Variants in TTC13 observed in about 807,000 individuals in gnomAD.
TTC13 encodes tetratricopeptide repeat domain 13, also known as tetratricopeptide repeat protein 13.
Under a neutral mutation model 120.0 loss-of-function variants are expected in TTC13, and 62 were observed. The observed-to-expected ratio is 0.52, with a 90% CI of 0.42 to 0.64. TTC13 has a LOEUF of 0.64. TTC13 is among the 30% of genes least tolerant of loss of function. The pLI, the probability that TTC13 is intolerant of heterozygous loss-of-function variation, is 0.00. For missense variants in TTC13, 824 were observed against 1,050.2 expected, an observed-to-expected ratio of 0.78 and a Z score of 2.98; for synonymous variants, 384 against 393.5, an observed-to-expected ratio of 0.98 and a Z score of 0.28.
At chr1:230,911,744 G>C (rs1671530548) in intron 19 of TTC13, among the ~76,000 whole-genome samples, 195 bp from the exon 20 acceptor site, 1 of 151,940 alleles carries the variant, frequency 6.6e-6, no homozygotes, top group African/African-American at 2.4e-5. Context: ...GTTCAATTTA[G>C]AGCAATGTTT....
intron 12 of TTC13, 105 bp downstream of exon 12, chr1:230,928,832 T>C (rs1572209316): frequency 8.3e-7 from 1 of 1,202,524 alleles, no homozygotes; most frequent in Non-Finnish European, 1.2e-6. Context: ...CCCAGGCAAT[T>C]CTACCTCACC....
intron 1 of TTC13, among the ~76,000 whole-genome samples, chr1:230,968,612 G>A (rs1263123962): frequency 1.3e-5 from 2 of 152,168 alleles, no homozygotes; most frequent in African/African-American, 4.8e-5. Flanking sequence ...AATGAGCAAA[G>A]TCTGAATGGA....
In TTC13 at chr1:230,978,148, C is replaced by G. The variant is rs1678544859; in HGVS notation, c.271+412G>C. On this transcript the variant is annotated intron_variant, in intron 1 of 22. Transcript: ENST00000366661. This position sits in a 1 kb window ranked among gnomAD's most constrained non-coding sequence, Gnocchi z 5.6. ...AGGCGTCTCCCTCCGGGGGCGGGCT[C>G]CGCAAGCCGCCGGGCTGGTTGCTCG... Among the ~76,000 whole-genome samples, 1 of 152,208 alleles carries G rather than the reference C, an allele frequency of 6.6e-6. No individual in the cohort carries two copies. The highest frequency in any genetic ancestry group is 2.4e-5 in the African/African-American group (1 of 41,470).
chr1:230,958,313 A>T lies in TTC13; in HGVS notation c.367-14T>A. 6.3e-7 allele frequency: 1 copy of T among 1,585,732 alleles called. No homozygotes were observed. The highest frequency in any genetic ancestry group is 2.2e-5 in the East Asian group (1 of 44,786). On this transcript the variant is annotated splice_polypyrimidine_tract_variant and intron_variant, in intron 2 of 22. Coordinates refer to ENST00000366661, the MANE Select transcript of TTC13 (RefSeq NM_024525.5). Reference sequence around the variant, plus strand: ...CTTGGCCTGGCTCTGGGAAAAAAAAAAAAAAAACCCATACATTTTAGCTAT... The same window carrying T: ...CTTGGCCTGGCTCTGGGAAAAAAAATAAAAAAACCCATACATTTTAGCTAT...
intron 20 of TTC13, among the ~76,000 whole-genome samples, chr1:230,910,130 T>C (rs1392004036): frequency 6.6e-6 from 1 of 151,868 alleles, no homozygotes; most frequent in Non-Finnish European, 1.5e-5. Context: ...AGCTAACAAG[T>C]GCCATGGGTG....
intron 17 of TTC13, among the ~76,000 whole-genome samples, chr1:230,917,583 TC>T (rs976621113): frequency 2.4e-4 from 36 of 152,150 alleles, no homozygotes; most frequent in African/African-American, 8.2e-4. Context: ...ATATCCGTAA[TC>T]CTGGGTAAAG....
intron 20 of TTC13, 48 bp downstream of exon 20, chr1:230,911,422 A>AACACATTT: frequency 1.4e-6 from 2 of 1,383,198 alleles, no homozygotes; most frequent in Middle Eastern, 1.9e-4. Context: ...AGCAAAAAAG[A>AACACATTT]ACACATTTCT....
At chr1:230,947,354 T>C (rs1199366446) in intron 4 of TTC13, among the ~76,000 whole-genome samples, 3 of 152,170 alleles carry the variant, frequency 2.0e-5, no homozygotes, top group Non-Finnish European at 2.9e-5. Flanking sequence ...ACTGGCGTCA[T>C]GCTTTTCTGT....
chr1:230,917,837 A>C (rs2102770178), intron 17 of TTC13, among the ~76,000 whole-genome samples: 1 of 152,360 alleles, frequency 6.6e-6, no homozygotes, highest in Middle Eastern at 3.4e-3. Context: ...ATACCACAGG[A>C]CATCTAAATG....
chr1:230,978,002 G>A lies in TTC13; in HGVS notation c.271+558C>T, dbSNP rs1165081702. Among the ~76,000 whole-genome samples the A allele has an allele frequency of 6.6e-6, 1 of 152,236 alleles. No individual in the cohort carries two copies. The highest frequency in any genetic ancestry group is 1.5e-5 in the Non-Finnish European group (1 of 68,044). On this transcript the variant is annotated intron_variant, in intron 1 of 22. Transcript: ENST00000366661. The surrounding 1 kb of genome is among the most constrained non-coding windows in gnomAD (Gnocchi z 5.6). ...AAACAACTGGAAGCAAGATGTCAAC[G>A]AGCAGATAAGATGGGCTTGCTCTTT...
In TTC13 at chr1:230,952,100, G is replaced by C. The variant is rs181639566; in HGVS notation, c.513+2233C>G. Among the ~76,000 whole-genome samples, 319 of 152,186 alleles carry C rather than the reference G, an allele frequency of 2.1e-3. 1 individual carries two copies. Among genetic ancestry groups the C allele is most frequent in the Admixed American group, 7.2e-3 (110 of 15,290 alleles). Reference sequence around the variant, plus strand: ...TTTTAGCATTTAACATCGAATCTTCGTATTTTCTTTCTTTTTTTCAGAGAC... The same window carrying C: ...TTTTAGCATTTAACATCGAATCTTCCTATTTTCTTTCTTTTTTTCAGAGAC... On this transcript the variant is annotated intron_variant, in intron 4 of 22. Coordinates refer to ENST00000366661, the MANE Select transcript of TTC13 (RefSeq NM_024525.5).
rs1385528994 is a variant in TTC13 at position 230,978,771 on chromosome 1, CGCG to C, written c.57_59del (p.Ala20del). On this transcript the variant is annotated inframe_deletion, in exon 1 of 23. Coordinates refer to ENST00000366661, the MANE Select transcript of TTC13 (RefSeq NM_024525.5). The surrounding 1 kb of genome is among the most constrained non-coding windows in gnomAD (Gnocchi z 5.6). ...GCAGCAGGACACGCCGGGCGGCGCCCGCGGCGGCCACAGCGCCGCCCCAGAAGC... is the reference window on the plus strand; with the variant it reads ...GCAGCAGGACACGCCGGGCGGCGCCCGCGGCCACAGCGCCGCCCCAGAAGC... 1 of 1,498,950 alleles carries C rather than the reference CGCG, an allele frequency of 6.7e-7. No homozygotes were observed. Among genetic ancestry groups the C allele is most frequent in the Non-Finnish European group, 8.8e-7 (1 of 1,133,640 alleles). 92.9% of individuals were successfully genotyped at this position (1,498,950 alleles called of 1,614,324 possible). A position where few individuals can be genotyped will look rare whatever the true frequency, so the allele number is the denominator to read the frequency against.
chr1:230,908,053 TA>T (rs1671110788), intron 22 of TTC13, among the ~76,000 whole-genome samples: 1 of 151,992 alleles, frequency 6.6e-6, no homozygotes, highest in Admixed American at 6.6e-5. Context: ...CAGAGTAATG[TA>T]AAATGGGCTC....
At chr1:230,911,324 A>AT in intron 20 of TTC13, 146 bp downstream of exon 20, 3 of 543,894 alleles carry the variant, frequency 5.5e-6, no homozygotes, top group Non-Finnish European at 6.5e-6. Context: ...CTAAGGAAAT[A>AT]TTTTTTTGTG....
chr1:230,976,275 C>T (rs1450147838), intron 1 of TTC13, among the ~76,000 whole-genome samples: 2 of 152,168 alleles, frequency 1.3e-5, no homozygotes, highest in Non-Finnish European at 2.9e-5. Context: ...TCAAATGGGT[C>T]TCCGGATACA....
intron 22 of TTC13, among the ~76,000 whole-genome samples, chr1:230,907,977 C>G (rs1468690547): frequency 3.2e-5 from 1 of 31,178 alleles, no homozygotes; most frequent in Non-Finnish European, 7.0e-5. Context: ...TCCTCACACA[C>G]AGTGTCCGTC....
rs770757634 is a variant in TTC13 at position 230,931,273 on chromosome 1, ACAATT to A, written c.1300+20_1300+24del. The A allele has an allele frequency of 2.5e-6, 4 of 1,608,884 alleles. No individual in the cohort carries two copies. The South Asian group carries it at 3.3e-5, about 13-fold the overall frequency. On this transcript the variant is annotated intron_variant, in intron 11 of 22. Transcript: ENST00000366661. The stretch of plus-strand genomic sequence containing the variant: ...CTACAGCTTTGAGCATGAAAATCCA[ACAATT>A]CTGTGATTTTCTGACTTACCTCGGA...
At chr1:230,916,868 T>C (rs1672086206) in intron 17 of TTC13, among the ~76,000 whole-genome samples, 1 of 152,240 alleles carries the variant, frequency 6.6e-6, no homozygotes, top group Non-Finnish European at 1.5e-5. Flanking sequence ...TTCGGAGTGA[T>C]AAATGTATGA....
At chr1:230,977,786 A>G (rs1678485538) in intron 1 of TTC13, among the ~76,000 whole-genome samples, 1 of 149,818 alleles carries the variant, frequency 6.7e-6, no homozygotes, top group African/African-American at 2.5e-5. Context: ...ACTTCAAAAC[A>G]AAAAAATGTA....
Sources: gnomAD v4.1 joint callset for allele counts (sites outside exome capture counted in the v4.1 genomes callset) on GRCh38, gnomAD v4.1.1 for gene constraint, Gnocchi (gnomAD v3.1) non-coding constraint, MANE v1.5 for transcripts, NCBI Gene and HGNC (gene_info 2026-07-23, HGNC 2026-07-21) for gene names.